The following SEC23IP variants were observed in gnomAD, a reference collection of about 807,000 sequenced individuals.
SEC23IP encodes the protein SEC23-interacting protein.
A neutral mutation model predicts 113.4 loss-of-function variants in SEC23IP; 70 were observed. That is an observed-to-expected ratio of 0.62 (90% confidence interval 0.51 to 0.75). SEC23IP has a LOEUF of 0.75. Among genes scored for constraint, SEC23IP ranks in the 30% least tolerant of loss-of-function variants. The pLI, the probability that SEC23IP is intolerant of heterozygous loss-of-function variation, is 0.00. For synonymous variants in SEC23IP, 398 were observed against 421.0 expected, an observed-to-expected ratio of 0.95 and a Z score of 0.67; for missense variants, 1,160 against 1,204.9, an observed-to-expected ratio of 0.96 and a Z score of 0.55.
At chr10:119,917,744 T>C in intron 8 of SEC23IP, 92 bp from the exon 9 acceptor site, 2 of 856,572 alleles carry the variant, frequency 2.3e-6, no homozygotes, top group Non-Finnish European at 1.8e-6. Context: ...TTTCTTAGTG[T>C]ATTTTCAGGA....
In SEC23IP at chr10:119,914,716, A is replaced by AT. The variant is rs34824340; in HGVS notation, c.1313-6dup. 183,306 of 1,608,142 alleles carry AT rather than the reference A, an allele frequency of 0.11. 11,058 individuals carry two copies. Among genetic ancestry groups the AT allele is most frequent in the South Asian group, 0.18 (15,922 of 90,730 alleles). ...TCCCATCTTTTATGTAGGTTTAAAA[A>AT]TTTTTTTTGATAGGGGAGATGCCTC... On this transcript the variant is annotated splice_polypyrimidine_tract_variant and intron_variant, in intron 6 of 18. Transcript: ENST00000369075.
rs1031807973 is a variant in SEC23IP at position 119,936,631 on chromosome 10, TCAGTATGTAAAGGC to T, written c.*20+2852_*20+2865del. ...AGTTGCTCAATTTTCATATTTACCA[TCAGTATGTAAAGGC>T]CAGTATGCTTGCACTCTTGGAAACA... is the stretch of plus-strand genomic sequence containing the variant. On this transcript the variant is annotated intron_variant, in intron 18 of 18. Coordinates refer to ENST00000369075, the MANE Select transcript of SEC23IP (RefSeq NM_007190.4). 3.9e-4 allele frequency among the ~76,000 whole-genome samples: 59 copies of T among 150,632 alleles called. 1 individual carries two copies. Among genetic ancestry groups the T allele is most frequent in the African/African-American group, 1.4e-3 (57 of 41,252 alleles).
chr10:119,895,041 T>G (rs1854228250), intron 1 of SEC23IP, among the ~76,000 whole-genome samples: 1 of 151,852 alleles, frequency 6.6e-6, no homozygotes, highest in African/African-American at 2.4e-5. Context: ...GAAGCAACAG[T>G]TAATCATATA....
At chr10:119,903,324 C>G (rs150015085) in intron 3 of SEC23IP, among the ~76,000 whole-genome samples, 3 of 152,182 alleles carry the variant, frequency 2.0e-5, no homozygotes, top group Non-Finnish European at 4.4e-5. Flanking sequence ...AAAGGGCATT[C>G]TGTGGAACTC....
rs748475932 is a variant in SEC23IP, at chr10:119,892,829, C to T, written c.47C>T (p.Ser16Phe). The T allele has an allele frequency of 6.2e-7, 1 of 1,613,546 alleles. No individual in the cohort carries two copies. Residue 16 changes from serine (S) to phenylalanine (F), a missense_variant, in exon 1 of 19, where the codon TCC becomes TTC. Ser to Phe is a radical substitution (Grantham distance 155, BLOSUM62 -2). Coordinates refer to ENST00000369075, the MANE Select transcript of SEC23IP (RefSeq NM_007190.4). The stretch of plus-strand genomic sequence containing the variant: ...GGTGGCAGCGGCGGCGCCTCCACTT[C>T]CTCATCGGGCACTAACTTACTTTTC... ...PNGGSGGAST[S>F]SSGTNLLFSS...
At chr10:119,927,068 T>C (rs1335285425) in intron 13 of SEC23IP, among the ~76,000 whole-genome samples, 2 of 152,062 alleles carry the variant, frequency 1.3e-5, no homozygotes, top group Admixed American at 6.6e-5. Context: ...CCTGGCTAAT[T>C]TTTTCATTTT....
intron 16 of SEC23IP, 95 bp downstream of exon 16, chr10:119,932,413 T>C: frequency 1.0e-6 from 1 of 953,386 alleles, no homozygotes. Context: ...TTCTAGACTT[T>C]TTGGTTAAAT....
At chr10:119,899,323 A>T (rs1854400266) in intron 2 of SEC23IP, among the ~76,000 whole-genome samples, 2 of 152,232 alleles carry the variant, frequency 1.3e-5, no homozygotes, top group South Asian at 4.1e-4. Flanking sequence ...ACACTAGTCA[A>T]TCAAAACACT....
chr10:119,925,990 T>A (rs1855406364), intron 12 of SEC23IP, 46 bp from the exon 13 acceptor site: 1 of 1,505,644 alleles, frequency 6.6e-7, no homozygotes, highest in African/African-American at 1.4e-5. Flanking sequence ...AGCTGAGAGC[T>A]GAACTTTTTC....
intron 8 of SEC23IP, 78 bp downstream of exon 8, chr10:119,915,967 T>A: frequency 8.4e-7 from 1 of 1,183,940 alleles, no homozygotes; most frequent in Non-Finnish European, 1.1e-6. Flanking sequence ...TGAAATAGTT[T>A]ATTGTAGCTT....
In SEC23IP at chr10:119,912,133, A is replaced by G. The variant is rs923294026; in HGVS notation, c.1281A>G (p.Gly427=). Residue 427 remains glycine, a synonymous_variant, in exon 6 of 19, where the codon GGA becomes GGG. Transcript: ENST00000369075. ...CAAGGCCCAGGGTTGTAAAGCGTGG[A>G]ATTGATGATAACCTTGATGAAATTC... ...GQTRPRVVKR[G]IDDNLDEIPD... is the part of the protein sequence containing the mutation. 2.5e-6 allele frequency: 4 copies of G among 1,613,984 alleles called. No individual in the cohort carries two copies. The highest frequency in any genetic ancestry group is 3.4e-6 in the Non-Finnish European group (4 of 1,180,016).
At chr10:119,922,597 A>C (rs1855283962) in intron 12 of SEC23IP, among the ~76,000 whole-genome samples, 1 of 152,196 alleles carries the variant, frequency 6.6e-6, no homozygotes. Flanking sequence ...GCAATCTTAC[A>C]TAGTAGTAAT....
Position 119,893,514 on chromosome 10 carries a change from CTTTTTTTTTTTT to C in SEC23IP, c.163+581_163+592del, listed in dbSNP as rs60552712. On this transcript the variant is annotated intron_variant, in intron 1 of 18. Coordinates refer to ENST00000369075, the MANE Select transcript of SEC23IP (RefSeq NM_007190.4). ...TAGACATATACAATGCATTCCTTAT[CTTTTTTTTTTTT>C]TTTTTTTTTTTGAGACGGAGTCTTG... Among the ~76,000 whole-genome samples the C allele has an allele frequency of 4.7e-5, 4 of 85,338 alleles. No homozygotes were observed. In the East Asian group the frequency reaches 1.0e-3, roughly 22 times the overall value. 56.0% of individuals were successfully genotyped at this position (85,338 alleles called of 152,430 possible).
intron 15 of SEC23IP, among the ~76,000 whole-genome samples, chr10:119,931,127 G>A (rs1855585648): frequency 6.6e-6 from 1 of 152,054 alleles, no homozygotes; most frequent in Non-Finnish European, 1.5e-5. Context: ...AAAAAGTGAA[G>A]GAGCAGGGAT....
chr10:119,907,203 G>A (rs1173072294), intron 4 of SEC23IP, among the ~76,000 whole-genome samples: 1 of 151,970 alleles, frequency 6.6e-6, no homozygotes, highest in Non-Finnish European at 1.5e-5. Flanking sequence ...GGCTGAGGCA[G>A]GAGTATCTCT....
At chr10:119,911,956 G>C in intron 5 of SEC23IP, 88 bp from the exon 6 acceptor site, 1 of 1,466,660 alleles carries the variant, frequency 6.8e-7, no homozygotes, top group Non-Finnish European at 9.4e-7. Flanking sequence ...GTACTCTGAG[G>C]TATAGCTTAT....
At position 119,941,565 on chromosome 10, in the gene SEC23IP, T is replaced by C. The variant is rs1427520755; in HGVS notation, c.*1000T>C. 2.6e-5 allele frequency: 4 copies of C among 152,666 alleles called. No individual in the cohort carries two copies. Among genetic ancestry groups the C allele is most frequent in the Non-Finnish European group, 4.4e-5 (3 of 68,050 alleles). The allele number at this position is 152,666 out of a possible 1,614,324, so 9.5% of individuals were successfully genotyped here. A position where few individuals can be genotyped will look rare whatever the true frequency, so the allele number is the denominator to read the frequency against. ...TTATCCAAATATTTTCCTAATACTA[T>C]GTGGGAATGCTGATTTTCTTTTGTT... On this transcript the variant is annotated 3_prime_UTR_variant, in exon 19 of 19. Coordinates refer to ENST00000369075, the MANE Select transcript of SEC23IP (RefSeq NM_007190.4).
chr10:119,911,657 G>A (rs1458126377), intron 5 of SEC23IP, among the ~76,000 whole-genome samples: 1 of 151,936 alleles, frequency 6.6e-6, no homozygotes, highest in Non-Finnish European at 1.5e-5. Context: ...TAAGTTTTCT[G>A]TGGAGATGGG....
chr10:119,918,559 G>A, intron 10 of SEC23IP, 48 bp downstream of exon 10: 1 of 1,065,278 alleles, frequency 9.4e-7, no homozygotes, highest in Non-Finnish European at 1.4e-6. Flanking sequence ...AGTCTATGGA[G>A]CTGAACAATT....
Sources: gnomAD v4.1 joint callset for allele counts (sites outside exome capture counted in the v4.1 genomes callset) on GRCh38, gnomAD v4.1.1 for gene constraint, MANE v1.5 for transcripts, NCBI Gene and HGNC (gene_info 2026-07-23, HGNC 2026-07-21) for gene names.